CCDC102B: variants seen among roughly 807,000 people sequenced by gnomAD.
CCDC102B encodes the protein coiled-coil domain containing 102B, also known as coiled-coil domain-containing protein 102B.
CCDC102B carries 75 observed loss-of-function variants against 57.4 expected under a neutral mutation model. The observed-to-expected ratio is 1.31, with a 90% CI of 1.08 to 1.58. CCDC102B has a LOEUF of 1.58. Among genes scored for constraint, CCDC102B ranks in the 40% most tolerant of loss-of-function variants. CCDC102B has a pLI of 0.00. For missense variants in CCDC102B, 636 were observed against 582.6 expected, an observed-to-expected ratio of 1.09 and a Z score of -0.94; for synonymous variants, 206 against 201.9, an observed-to-expected ratio of 1.02 and a Z score of -0.17.
intron 2 of CCDC102B, among the ~76,000 whole-genome samples, chr18:68,790,461 G>C (rs2035406490): frequency 6.6e-6 from 1 of 151,994 alleles, no homozygotes; most frequent in Non-Finnish European, 1.5e-5. Context: ...ATCTCAGACT[G>C]CTGTGCTAGC....
intron 6 of CCDC102B, among the ~76,000 whole-genome samples, chr18:68,919,572 C>A (rs1179704455): frequency 6.6e-6 from 1 of 152,092 alleles, no homozygotes; most frequent in Non-Finnish European, 1.5e-5. Context: ...TGAGGCAATT[C>A]CTTACACAGA....
At chr18:68,897,061 A>G (rs1457553179) in intron 5 of CCDC102B, among the ~76,000 whole-genome samples, 158 bp from the exon 6 acceptor site, 1 of 151,980 alleles carries the variant, frequency 6.6e-6, no homozygotes, top group Non-Finnish European at 1.5e-5. Flanking sequence ...GGATTTTTGT[A>G]TTTTTCTCAT....
intron 6 of CCDC102B, among the ~76,000 whole-genome samples, chr18:69,010,417 A>G (rs556943427): frequency 6.6e-6 from 1 of 152,248 alleles, no homozygotes; most frequent in South Asian, 2.1e-4. Context: ...TGATAGATTA[A>G]TATCTTTCTT....
chr18:69,005,393 T>C (rs1284788144), intron 6 of CCDC102B, among the ~76,000 whole-genome samples: 1 of 152,130 alleles, frequency 6.6e-6, no homozygotes. Flanking sequence ...TTAATGCACA[T>C]CTTTGATATT....
chr18:68,717,689 T>G (rs1358330150), intron 2 of CCDC102B, among the ~76,000 whole-genome samples: 1 of 152,224 alleles, frequency 6.6e-6, no homozygotes, highest in Non-Finnish European at 1.5e-5. Context: ...TTTCTGCTTA[T>G]CTACCTCAAG....
intron 1 of CCDC102B, among the ~76,000 whole-genome samples, chr18:68,833,538 G>A (rs1056382415): frequency 5.9e-5 from 9 of 152,012 alleles, no homozygotes; most frequent in African/African-American, 2.2e-4. Flanking sequence ...GGTAGCTAGG[G>A]CTAACCAATC....
At chr18:68,912,941 C>T (rs2040926508) in intron 6 of CCDC102B, among the ~76,000 whole-genome samples, 2 of 152,096 alleles carry the variant, frequency 1.3e-5, no homozygotes, top group Admixed American at 1.3e-4. Context: ...TGCAATATTT[C>T]CTTGGAATTT....
At chr18:68,803,067 A>AC (rs1276226967) in intron 1 of CCDC102B, among the ~76,000 whole-genome samples, 1 of 152,204 alleles carries the variant, frequency 6.6e-6, no homozygotes, top group Non-Finnish European at 1.5e-5. Flanking sequence ...ATTGGGGTTA[A>AC]CCTCACTTAA....
At chr18:68,961,037 T>A (rs931996524) in intron 6 of CCDC102B, among the ~76,000 whole-genome samples, 2 of 152,194 alleles carry the variant, frequency 1.3e-5, no homozygotes, top group African/African-American at 4.8e-5. Flanking sequence ...ATATAAGTAA[T>A]TAACTCCTTC....
chr18:68,861,199 G>A (rs2038736718), intron 4 of CCDC102B, among the ~76,000 whole-genome samples: 1 of 151,930 alleles, frequency 6.6e-6, no homozygotes, highest in Non-Finnish European at 1.5e-5. Context: ...AAGTAAATAT[G>A]TCTGAAGTTT....
At chr18:68,788,110 T>C (rs1599461018) in intron 2 of CCDC102B, among the ~76,000 whole-genome samples, 1 of 152,172 alleles carries the variant, frequency 6.6e-6, no homozygotes. Flanking sequence ...CAGGAGCAGA[T>C]TGTTCAGTTT....
At chr18:68,824,958 T>G (rs2036848182) in intron 1 of CCDC102B, among the ~76,000 whole-genome samples, 1 of 152,174 alleles carries the variant, frequency 6.6e-6, no homozygotes, top group African/African-American at 2.4e-5. Context: ...TGTACCTCTA[T>G]GTTTCTGGTA....
chr18:68,883,083 T>C (rs1599629864), intron 5 of CCDC102B, among the ~76,000 whole-genome samples: 1 of 152,058 alleles, frequency 6.6e-6, no homozygotes, highest in East Asian at 1.9e-4. Flanking sequence ...ATGACACATG[T>C]TTACTTGTGG....
chr18:68,886,106 C>T (rs983811429), intron 5 of CCDC102B, among the ~76,000 whole-genome samples: 1 of 151,724 alleles, frequency 6.6e-6, no homozygotes, highest in Non-Finnish European at 1.5e-5. Context: ...GGCAGTGGCT[C>T]ACTTCTGTAA....
At chr18:68,887,220 T>G (rs1310811273) in intron 5 of CCDC102B, among the ~76,000 whole-genome samples, 1 of 152,082 alleles carries the variant, frequency 6.6e-6, no homozygotes, top group Non-Finnish European at 1.5e-5. Context: ...GATTTTACTT[T>G]GTGGAGGTGA....
intron 5 of CCDC102B, among the ~76,000 whole-genome samples, chr18:68,880,065 G>A (rs989712711): frequency 6.6e-6 from 1 of 152,180 alleles, no homozygotes; most frequent in South Asian, 2.1e-4. Flanking sequence ...CATCGGGGAG[G>A]CTTGGGCCCC....
chr18:69,023,147 T>C (rs372119286), intron 7 of CCDC102B, among the ~76,000 whole-genome samples: 1 of 152,156 alleles, frequency 6.6e-6, no homozygotes, highest in Non-Finnish European at 1.5e-5. Flanking sequence ...GATACAGAAA[T>C]GGAATCAGAT....
chr18:68,731,781 G>A (rs2032877044), intron 2 of CCDC102B, among the ~76,000 whole-genome samples: 1 of 148,848 alleles, frequency 6.7e-6, no homozygotes, highest in African/African-American at 2.4e-5. Context: ...AATTCATTTG[G>A]AGCAAAACTC....
At chr18:68,766,663 C>T (rs988450015) in intron 2 of CCDC102B, among the ~76,000 whole-genome samples, 1 of 152,132 alleles carries the variant, frequency 6.6e-6, no homozygotes, top group Non-Finnish European at 1.5e-5. Context: ...ATTCCTGAGT[C>T]TGGTGGCCCC....
Sources: gnomAD v4.1 joint callset for allele counts (sites outside exome capture counted in the v4.1 genomes callset) on GRCh38, gnomAD v4.1.1 for gene constraint, MANE v1.5 for transcripts, NCBI Gene and HGNC (gene_info 2026-07-23, HGNC 2026-07-21) for gene names.